The following BORCS5 variants were observed in gnomAD, a reference collection of about 807,000 sequenced individuals.
BORCS5 encodes the protein BLOC-1 related complex subunit 5, also known as BLOC-1-related complex subunit 5.
Under a neutral mutation model 22.1 loss-of-function variants are expected in BORCS5, and 17 were observed. The ratio of observed to expected loss-of-function variants is 0.77; its 90% CI spans 0.53 to 1.15. The LOEUF (loss-of-function observed/expected upper bound fraction) is 1.15. BORCS5 is among the 50% of genes most tolerant of loss of function. The probability of loss-of-function intolerance (pLI) is 0.00; values close to 1 mark genes in which losing one functional copy is unlikely to be tolerated. For synonymous variants in BORCS5, 117 were observed against 99.8 expected, an observed-to-expected ratio of 1.17 and a Z score of -1.03; for missense variants, 247 against 253.2, an observed-to-expected ratio of 0.98 and a Z score of 0.17.
intron 3 of BORCS5, among the ~76,000 whole-genome samples, chr12:12,461,461 C>T (rs572855641): frequency 7.9e-5 from 12 of 152,186 alleles, no homozygotes; most frequent in Non-Finnish European, 1.5e-4. Context: ...CATGAACCAC[C>T]GCACCTGGCC....
At position 12,420,792 on chromosome 12, in the gene BORCS5, G is replaced by A. The variant is rs563967538; in HGVS notation, c.203-14836G>A. Among the ~76,000 whole-genome samples, 132 of 152,150 alleles carry A rather than the reference G, an allele frequency of 8.7e-4. 1 individual carries two copies. In the South Asian group the frequency reaches 0.026, roughly 30 times the overall value. ...ACATCCCTTGTAAGTTGGATCCCTA[G>A]GTATTTTATTCTCTTTGAAGCAATT... On this transcript the variant is annotated intron_variant, in intron 2 of 3. Coordinates refer to ENST00000314565, the MANE Select transcript of BORCS5 (RefSeq NM_058169.6).
intron 2 of BORCS5, among the ~76,000 whole-genome samples, chr12:12,365,140 A>G (rs1364478577): frequency 1.3e-5 from 2 of 152,118 alleles, no homozygotes; most frequent in African/African-American, 2.4e-5. Context: ...GGTTATTAAG[A>G]ACATTGAGAA....
At chr12:12,462,719 C>T (rs1449310620) in intron 3 of BORCS5, among the ~76,000 whole-genome samples, 2 of 152,040 alleles carry the variant, frequency 1.3e-5, no homozygotes, top group African/African-American at 2.4e-5. Flanking sequence ...TGCAGTGGTG[C>T]GATCTTGGCT....
At chr12:12,403,358 T>G (rs1344196627) in intron 2 of BORCS5, among the ~76,000 whole-genome samples, 1 of 152,206 alleles carries the variant, frequency 6.6e-6, no homozygotes, top group Non-Finnish European at 1.5e-5. Context: ...GCTGTTTCAC[T>G]GTTAGAGGTC....
chr12:12,371,562 G>A (rs1446068817), intron 2 of BORCS5, among the ~76,000 whole-genome samples: 2 of 152,196 alleles, frequency 1.3e-5, no homozygotes, highest in Admixed American at 6.5e-5. Context: ...CCAAAGTGCT[G>A]GGATTGCAGG....
At chr12:12,445,087 A>C (rs557545719) in intron 3 of BORCS5, among the ~76,000 whole-genome samples, 1 of 152,352 alleles carries the variant, frequency 6.6e-6, no homozygotes, top group East Asian at 1.9e-4. Flanking sequence ...TCTGTTGCCC[A>C]GGCTGGAGTG....
intron 3 of BORCS5, among the ~76,000 whole-genome samples, chr12:12,460,347 G>A (rs1370346883): frequency 6.6e-6 from 1 of 152,178 alleles, no homozygotes; most frequent in African/African-American, 2.4e-5. Context: ...TCTGTATGCT[G>A]ACCATGTATC....
chr12:12,413,058 C>T (rs1227951412), intron 2 of BORCS5, among the ~76,000 whole-genome samples: 1 of 134,340 alleles, frequency 7.4e-6, no homozygotes, highest in Non-Finnish European at 1.6e-5. Flanking sequence ...CTGCGGCCTT[C>T]CGCAGTGTTT....
intron 2 of BORCS5, among the ~76,000 whole-genome samples, chr12:12,387,709 A>G (rs1863913039): frequency 6.6e-6 from 1 of 151,460 alleles, no homozygotes; most frequent in South Asian, 2.1e-4. Flanking sequence ...ATATCGAATC[A>G]TCTAAAACTC....
chr12:12,394,319 C>G (rs1354333278), intron 2 of BORCS5, among the ~76,000 whole-genome samples: 1 of 142,798 alleles, frequency 7.0e-6, no homozygotes, highest in African/African-American at 3.0e-5. Context: ...GATTGAGACT[C>G]TATCTCAAAA....
intron 3 of BORCS5, among the ~76,000 whole-genome samples, chr12:12,450,444 TTA>T (rs1942886037): frequency 6.6e-6 from 1 of 152,232 alleles, no homozygotes; most frequent in Admixed American, 6.5e-5. Context: ...TGCTAACAGT[TTA>T]TTCCCTTTGG....
chr12:12,428,951 C>G (rs1322074014), intron 2 of BORCS5, among the ~76,000 whole-genome samples: 2 of 151,990 alleles, frequency 1.3e-5, no homozygotes, highest in African/African-American at 2.4e-5. Context: ...GGTTCATTCT[C>G]TATTAATGGT....
At chr12:12,378,608 TTAAGGAGAC>T (rs1241419271) in intron 2 of BORCS5, among the ~76,000 whole-genome samples, 3 of 142,796 alleles carry the variant, frequency 2.1e-5, no homozygotes, top group Admixed American at 2.1e-4. Flanking sequence ...TATCACAGAT[TTAAGGAGAC>T]TAAGGAGACA....
intron 2 of BORCS5, among the ~76,000 whole-genome samples, chr12:12,402,020 G>A (rs1293491834): frequency 6.7e-6 from 1 of 149,968 alleles, no homozygotes; most frequent in Non-Finnish European, 1.5e-5. Context: ...GAGCCAAGAT[G>A]GCGCCACTGC....
chr12:12,385,692 T>C (rs1328390671), intron 2 of BORCS5, among the ~76,000 whole-genome samples: 4 of 151,104 alleles, frequency 2.6e-5, no homozygotes, highest in Non-Finnish European at 4.4e-5. Flanking sequence ...GTATTTTTAG[T>C]AGAGACGGGG....
At chr12:12,450,854 T>G (rs533427342) in intron 3 of BORCS5, among the ~76,000 whole-genome samples, 8 of 152,332 alleles carry the variant, frequency 5.3e-5, no homozygotes, top group Admixed American at 3.9e-4. Context: ...ATAAAGATAA[T>G]GTATGTAAAC....
chr12:12,453,507 AATAGGTTTCTTC>A (rs1942949545), intron 3 of BORCS5, among the ~76,000 whole-genome samples: 1 of 152,182 alleles, frequency 6.6e-6, no homozygotes, highest in Non-Finnish European at 1.5e-5. Flanking sequence ...TGGATTCCCA[AATAGGTTTCTTC>A]ATCTTCGTAA....
At chr12:12,372,567 GT>G (rs1863554862) in intron 2 of BORCS5, among the ~76,000 whole-genome samples, 1 of 151,978 alleles carries the variant, frequency 6.6e-6, no homozygotes, top group Non-Finnish European at 1.5e-5. Context: ...TATACATATG[GT>G]TAAGTTACTT....
chr12:12,395,345 T>C (rs1196665277), intron 2 of BORCS5, among the ~76,000 whole-genome samples: 1 of 151,618 alleles, frequency 6.6e-6, no homozygotes, highest in Non-Finnish European at 1.5e-5. Context: ...TCTCTGCCAC[T>C]GCAGCCTCCG....
Sources: gnomAD v4.1 joint callset for allele counts (sites outside exome capture counted in the v4.1 genomes callset) on GRCh38, gnomAD v4.1.1 for gene constraint, MANE v1.5 for transcripts, NCBI Gene and HGNC (gene_info 2026-07-23, HGNC 2026-07-21) for gene names.